The following GPAM variants were observed in gnomAD, a reference collection of about 807,000 sequenced individuals.
GPAM encodes glycerol-3-phosphate acyltransferase 1, mitochondrial.
GPAM carries 56 observed loss-of-function variants against 105.0 expected under a neutral mutation model. The observed-to-expected ratio is 0.53, with a 90% confidence interval of 0.43 to 0.67. GPAM has a LOEUF of 0.67. Among genes scored for constraint, GPAM ranks in the 30% least tolerant of loss-of-function variants. GPAM has a pLI of 0.00. For synonymous variants in GPAM, 368 were observed against 354.4 expected (o/e 1.04, Z -0.43); for missense variants, 855 against 989.8 (o/e 0.86, Z 1.83).
rs375088093 is a variant in GPAM at position 112,160,736 on chromosome 10, A to C, written c.1627T>G (p.Cys543Gly). Residue 543 changes from cysteine to glycine, a missense_variant, in exon 16 of 22, where the codon TGT (cysteine) becomes GGT (glycine). Cys to Gly is a radical substitution (Grantham distance 159). Coordinates refer to ENST00000348367, the MANE Select transcript of GPAM (RefSeq NM_001244949.2). The stretch of plus-strand genomic sequence containing the variant: ...CTGCTAGTGTGGGTGATTGTGACAC[A>C]ATTTCCCAGCAGCTGTATGGCATGC... The part of the protein sequence containing the change: ...VMHAIQLLGN[C>G]VTITHTSRND... The C allele has an allele frequency of 4.1e-5, 66 of 1,613,992 alleles. 1 individual carries two copies. The Admixed American group carries it at 1.0e-3, about 25-fold the overall frequency.
intron 5 of GPAM, among the ~76,000 whole-genome samples, 186 bp downstream of exon 5, chr10:112,177,798 T>C (rs925514383): frequency 2.0e-5 from 3 of 152,200 alleles, no homozygotes; most frequent in Non-Finnish European, 4.4e-5. Context: ...AGTACACAAG[T>C]GGTAACAGTA....
chr10:112,167,395 G>A (rs1378896479), intron 11 of GPAM, among the ~76,000 whole-genome samples: 1 of 152,134 alleles, frequency 6.6e-6, no homozygotes, highest in Non-Finnish European at 1.5e-5. Flanking sequence ...AGACCCATCA[G>A]TTCTTCTCCT....
At position 112,152,506 on chromosome 10, in the gene GPAM, C is replaced by T. The variant is rs557314766; in HGVS notation, c.*1044G>A. The T allele has an allele frequency of 4.9e-5, 48 of 982,872 alleles. No individual in the cohort carries two copies. Among genetic ancestry groups the T allele is most frequent in the African/African-American group, 1.6e-4 (9 of 57,190 alleles). The allele number at this position is 982,872 out of a possible 1,614,324, so 60.9% of individuals were successfully genotyped here. ...ATGCATATACTGGACAGGTTGTGCA[C>T]GGCACAACTCGAGTGGGTACCAGTC... On this transcript the variant is annotated 3_prime_UTR_variant, in exon 22 of 22. Transcript: ENST00000348367.
chr10:112,198,045 A>G (rs1398509720), intron 1 of GPAM, among the ~76,000 whole-genome samples: 4 of 152,236 alleles, frequency 2.6e-5, no homozygotes, highest in African/African-American at 7.2e-5. Flanking sequence ...AACTCAATTT[A>G]TGGTTTTTAT....
At position 112,160,048 on chromosome 10, in the gene GPAM, T is replaced by C. The variant is rs1193950173; in HGVS notation, c.1765A>G (p.Ser589Gly). Reference protein sequence around the residue: ...VFIMEAIIACSLYAVLNKRGL... With the variant: ...VFIMEAIIACGLYAVLNKRGL... ...CTCTTGTTCAGAACTGCATAAAGGC[T>C]GCAAGCTAAGAAAAGAAAAGCAACA... The change falls in exon 17 of 22, where the codon AGC becomes GGC. Residue 589 changes from serine to glycine, a missense_variant. Coordinates refer to ENST00000348367, the MANE Select transcript of GPAM (RefSeq NM_001244949.2). The C allele has an allele frequency of 1.2e-6, 2 of 1,614,082 alleles. No individual in the cohort carries two copies. The highest frequency in any genetic ancestry group is 1.7e-6 in the Non-Finnish European group (2 of 1,179,992).
chr10:112,192,005 C>T lies in GPAM; in HGVS notation n.211-9114G>A, dbSNP rs143143930. Among the ~76,000 whole-genome samples, 1,446 of 152,226 alleles carry T rather than the reference C, an allele frequency of 9.5e-3. 20 individuals carry two copies. The highest frequency in any genetic ancestry group is 0.032 in the African/African-American group (1,320 of 41,530). ...GAAAGGAATGGAACTTTGAGTACCA[C>T]GCAGAGCCCAGGCAAGGTGCAATGA... On this transcript the variant is annotated intron_variant and non_coding_transcript_variant, in intron 1 of 3. Coordinates refer to the GPAM transcript ENST00000480130.
the GPAM span, among the ~76,000 whole-genome samples, chr10:112,224,990 A>G: frequency 1.3e-5 from 2 of 152,196 alleles, no homozygotes; most frequent in Admixed American, 6.5e-5. Context: ...CTCATTAAGC[A>G]GAACACTCAA....
intron 17 of GPAM, among the ~76,000 whole-genome samples, chr10:112,159,221 T>TC (rs1236652230): frequency 2.1e-5 from 3 of 139,950 alleles, no homozygotes; most frequent in Non-Finnish European, 4.7e-5. Context: ...ATTTTCTTTT[T>TC]TTTTTTTTTT....
chr10:112,165,460 C>A (rs1354119853), intron 12 of GPAM, among the ~76,000 whole-genome samples: 1 of 152,114 alleles, frequency 6.6e-6, no homozygotes, highest in Non-Finnish European at 1.5e-5. Context: ...GATGAGGAGG[C>A]GGGCAGATCA....
At chr10:112,196,968 T>C (rs1847731169) in intron 1 of GPAM, among the ~76,000 whole-genome samples, 1 of 152,222 alleles carries the variant, frequency 6.6e-6, no homozygotes, top group African/African-American at 2.4e-5. Flanking sequence ...CATTGGAACA[T>C]ATGTAAATTA....
intron 19 of GPAM, 112 bp downstream of exon 19, chr10:112,157,137 A>T (rs1847031333): frequency 1.1e-6 from 1 of 927,856 alleles, no homozygotes; most frequent in Admixed American, 1.7e-5. Context: ...TACCAGAGCT[A>T]GTTGGGGGAT....
chr10:112,185,664 A>G (rs1215000334), upstream of GPAM, among the ~76,000 whole-genome samples: 1 of 151,766 alleles, frequency 6.6e-6, no homozygotes, highest in Non-Finnish European at 1.5e-5. Flanking sequence ...AAAAAACCTG[A>G]CGGGAGGCTG....
intron 1 of GPAM, among the ~76,000 whole-genome samples, chr10:112,198,925 G>T (rs1356272575): frequency 6.8e-6 from 1 of 146,330 alleles, no homozygotes; most frequent in Non-Finnish European, 1.5e-5. Flanking sequence ...TTGTTGTTTT[G>T]TTTTTTTTTT....
chr10:112,163,669 T>C (rs1847163480), intron 14 of GPAM, 32 bp downstream of exon 14: 2 of 992,210 alleles, frequency 2.0e-6, no homozygotes, highest in East Asian at 2.4e-5. Flanking sequence ...GAATCTAAAT[T>C]GTAGAATTAA....
chr10:112,162,834 T>A (rs1265012954), intron 14 of GPAM, among the ~76,000 whole-genome samples: 1 of 152,298 alleles, frequency 6.6e-6, no homozygotes, highest in Admixed American at 6.5e-5. Flanking sequence ...TTTTTAACAA[T>A]AAGGTATTAT....
chr10:112,176,503 C>A (rs1438740643), intron 5 of GPAM, among the ~76,000 whole-genome samples: 1 of 152,116 alleles, frequency 6.6e-6, no homozygotes, highest in Non-Finnish European at 1.5e-5. Flanking sequence ...CCAGAATACC[C>A]TCAATAGAGA....
intron 21 of GPAM, chr10:112,154,379 T>C: frequency 7.1e-6 from 4 of 561,588 alleles, no homozygotes; most frequent in South Asian, 2.1e-5. Context: ...CAGTTATATA[T>C]AGCAGCTTGG....
At chr10:112,203,794 T>G (rs1847827556) in intron 1 of GPAM, among the ~76,000 whole-genome samples, 1 of 152,214 alleles carries the variant, frequency 6.6e-6, no homozygotes, top group African/African-American at 2.4e-5. Flanking sequence ...GATATGATGC[T>G]GCGGTTCAGG....
chr10:112,200,199 T>C (rs1354989629), intron 1 of GPAM, among the ~76,000 whole-genome samples: 1 of 122,326 alleles, frequency 8.2e-6, no homozygotes, highest in Non-Finnish European at 1.6e-5. Context: ...TATATATATA[T>C]ATATATATAT....
Sources: allele counts gnomAD v4.1 joint callset (sites outside exome capture counted in the v4.1 genomes callset), GRCh38; gene constraint gnomAD v4.1.1; transcripts MANE v1.5; gene names NCBI Gene and HGNC (gene_info 2026-07-23, HGNC 2026-07-21).